Variants in CNTN4 observed in about 807,000 individuals in gnomAD.
CNTN4 encodes contactin 4.
CNTN4 carries 77 observed loss-of-function variants against 122.5 expected under a neutral mutation model. The ratio of observed to expected loss-of-function variants is 0.63; its 90% CI spans 0.52 to 0.76. The LOEUF is 0.76. CNTN4 is among the 30% of genes least tolerant of loss of function. The pLI is 0.00. For synonymous variants in CNTN4, 512 were observed against 447.0 expected, an observed-to-expected ratio of 1.15 and a Z score of -1.83; for missense variants, 1,256 against 1,259.1, an observed-to-expected ratio of 1.00 and a Z score of 0.04.
At chr3:2,439,996 A>G (rs554769701) in intron 3 of CNTN4, among the ~76,000 whole-genome samples, 180 of 152,346 alleles carry the variant, frequency 1.2e-3, no homozygotes, top group African/African-American at 4.2e-3. Context: ...GCCTCTGGCA[A>G]TAAGTAAATG....
At chr3:2,956,821 C>T (rs1177314829) in intron 13 of CNTN4, among the ~76,000 whole-genome samples, 2 of 152,158 alleles carry the variant, frequency 1.3e-5, no homozygotes, top group Non-Finnish European at 2.9e-5. Context: ...CCCCTAGCAA[C>T]CATGGCTCTA....
intron 23 of CNTN4, 22 bp from the exon 24 acceptor site, chr3:3,053,785 C>A (rs1484707108): frequency 6.2e-7 from 1 of 1,613,642 alleles, no homozygotes; most frequent in African/African-American, 1.3e-5. Context: ...GCAGGTGACA[C>A]CTGTTCTTTC....
chr3:2,320,555 C>G (rs1001869988), intron 2 of CNTN4, among the ~76,000 whole-genome samples: 1 of 152,056 alleles, frequency 6.6e-6, no homozygotes, highest in Admixed American at 6.6e-5. Context: ...CATAATGTAA[C>G]TTTATTGGTA....
At chr3:2,562,553 C>T (rs1167794469) in intron 3 of CNTN4, among the ~76,000 whole-genome samples, 1 of 152,156 alleles carries the variant, frequency 6.6e-6, no homozygotes, top group Non-Finnish European at 1.5e-5. Context: ...CTGCAAAGAA[C>T]ATCATTTCAT....
At chr3:2,390,323 A>G (rs567090751) in intron 3 of CNTN4, among the ~76,000 whole-genome samples, 4 of 151,992 alleles carry the variant, frequency 2.6e-5, no homozygotes, top group Admixed American at 2.0e-4. Context: ...GAATTGAAGC[A>G]TATAGTAATT....
chr3:2,578,676 G>C (rs1559261692), intron 4 of CNTN4, among the ~76,000 whole-genome samples: 1 of 152,130 alleles, frequency 6.6e-6, no homozygotes, highest in Non-Finnish European at 1.5e-5. Context: ...GCATAGTCCT[G>C]TATTTTATTG....
intron 2 of CNTN4, among the ~76,000 whole-genome samples, chr3:2,171,285 T>A (rs1226977595): frequency 1.3e-5 from 2 of 152,206 alleles, no homozygotes; most frequent in African/African-American, 4.8e-5. Flanking sequence ...GGTCTACATG[T>A]ATGGACCTGG....
intron 4 of CNTN4, among the ~76,000 whole-genome samples, chr3:2,666,336 G>C (rs2084162734): frequency 6.6e-6 from 1 of 152,002 alleles, no homozygotes; most frequent in Non-Finnish European, 1.5e-5. Context: ...CATAGTCATG[G>C]TTTATGATTC....
At chr3:2,233,910 GGTA>G in intron 2 of CNTN4, among the ~76,000 whole-genome samples, 1 of 152,188 alleles carries the variant, frequency 6.6e-6, no homozygotes, top group Middle Eastern at 3.4e-3. Flanking sequence ...CACAGCAAAA[GGTA>G]GAAGAAAATC....
At chr3:2,642,082 C>T (rs764849645) in intron 4 of CNTN4, among the ~76,000 whole-genome samples, 61 of 152,174 alleles carry the variant, frequency 4.0e-4, no homozygotes, top group East Asian at 3.9e-4. Flanking sequence ...GATAAGGTCC[C>T]GCAATAGGCT....
chr3:2,702,077 G>C (rs928156933), intron 4 of CNTN4, among the ~76,000 whole-genome samples: 51 of 152,070 alleles, frequency 3.4e-4, no homozygotes, highest in African/African-American at 1.2e-3. Context: ...TAGAATGAAT[G>C]GGCTCTAAGC....
At chr3:2,155,918 T>G (rs1485364976) in intron 2 of CNTN4, among the ~76,000 whole-genome samples, 1 of 152,234 alleles carries the variant, frequency 6.6e-6, no homozygotes, top group Non-Finnish European at 1.5e-5. Context: ...TGGACTGTGT[T>G]GTCATAGCAC....
At chr3:2,281,590 A>G (rs2041716814) in intron 2 of CNTN4, among the ~76,000 whole-genome samples, 1 of 152,064 alleles carries the variant, frequency 6.6e-6, no homozygotes, top group Non-Finnish European at 1.5e-5. Flanking sequence ...ATGCCTGGCA[A>G]TGTCATTATA....
intron 3 of CNTN4, among the ~76,000 whole-genome samples, chr3:2,519,052 T>G (rs1476555542): frequency 6.6e-6 from 1 of 152,150 alleles, no homozygotes; most frequent in Non-Finnish European, 1.5e-5. Context: ...TACCCTTGGT[T>G]TTGACTCCCT....
At chr3:2,184,090 G>C (rs1274098807) in intron 2 of CNTN4, among the ~76,000 whole-genome samples, 1 of 152,054 alleles carries the variant, frequency 6.6e-6, no homozygotes, top group Non-Finnish European at 1.5e-5. Flanking sequence ...TCCTGCCTCA[G>C]CTTCCTGAGT....
At chr3:2,365,279 A>C (rs1041185454) in intron 3 of CNTN4, among the ~76,000 whole-genome samples, 19 of 152,120 alleles carry the variant, frequency 1.2e-4, no homozygotes, top group African/African-American at 4.3e-4. Flanking sequence ...AACCTGCCTG[A>C]AACACAGCTC....
intron 15 of CNTN4, among the ~76,000 whole-genome samples, chr3:3,029,719 G>A (rs1433678508): frequency 1.3e-5 from 2 of 152,140 alleles, no homozygotes; most frequent in Admixed American, 6.5e-5. Flanking sequence ...TTCTAGCTAC[G>A]TGACTTTAGG....
intron 2 of CNTN4, among the ~76,000 whole-genome samples, chr3:2,211,843 A>G (rs2038636258): frequency 1.3e-5 from 2 of 152,328 alleles, no homozygotes; most frequent in African/African-American, 4.8e-5. Context: ...GGATAGGCTA[A>G]GGCCAACTCT....
chr3:2,711,713 C>A (rs2087162601), intron 4 of CNTN4, among the ~76,000 whole-genome samples: 1 of 152,142 alleles, frequency 6.6e-6, no homozygotes, highest in Non-Finnish European at 1.5e-5. Context: ...CTTGTCTAGT[C>A]ACCCAACTGC....
Sources: allele counts gnomAD v4.1 joint callset (sites outside exome capture counted in the v4.1 genomes callset), GRCh38; gene constraint gnomAD v4.1.1; transcripts MANE v1.5; gene names NCBI Gene and HGNC (gene_info 2026-07-23, HGNC 2026-07-21).